EYS: variants seen among roughly 807,000 people sequenced by gnomAD.
EYS encodes the protein protein eyes shut homolog.
Under a neutral mutation model 282.1 loss-of-function variants are expected in EYS, and 250 were observed. The observed-to-expected ratio is 0.89, with a 90% CI of 0.80 to 0.98. The LOEUF (loss-of-function observed/expected upper bound fraction) is 0.98. EYS is among the 50% of genes least tolerant of loss of function. EYS has a pLI of 0.00. For missense variants in EYS, 4,016 were observed against 3,709.0 expected (o/e 1.08, Z -2.15); for synonymous variants, 1,355 against 1,282.9 (o/e 1.06, Z -1.20).
chr6:64,993,800 G>GT (rs1345409602), intron 14 of EYS, among the ~76,000 whole-genome samples: 1,710 of 140,888 alleles, frequency 0.012, 18 homozygotes, highest in African/African-American at 0.035. Context: ...AGTAAAGGTA[G>GT]TTTTTTTTTT....
chr6:63,764,896 T>A (rs543075524), intron 40 of EYS, among the ~76,000 whole-genome samples: 13 of 152,130 alleles, frequency 8.5e-5, no homozygotes, highest in African/African-American at 3.1e-4. Context: ...TTCTTTTTGT[T>A]CCTTGGTTTC....
intron 22 of EYS, among the ~76,000 whole-genome samples, chr6:64,789,559 T>G (rs1438723872): frequency 6.6e-6 from 1 of 152,164 alleles, no homozygotes; most frequent in Non-Finnish European, 1.5e-5. Flanking sequence ...AGTTTAGCTG[T>G]AACCCATACC....
intron 28 of EYS, among the ~76,000 whole-genome samples, chr6:64,395,374 A>G (rs1295614473): frequency 6.6e-6 from 1 of 152,180 alleles, no homozygotes; most frequent in Non-Finnish European, 1.5e-5. Context: ...AAAGACTTGG[A>G]ACCAACCCAA....
chr6:64,896,547 T>TGTTG (rs111402497), intron 18 of EYS, among the ~76,000 whole-genome samples: 1 of 144,864 alleles, frequency 6.9e-6, no homozygotes, highest in African/African-American at 2.5e-5. Context: ...GAGTTGTTGT[T>TGTTG]TTTTTTTTTT....
chr6:65,065,757 A>C (rs1298626785), intron 12 of EYS, among the ~76,000 whole-genome samples: 1 of 152,154 alleles, frequency 6.6e-6, no homozygotes, highest in Non-Finnish European at 1.5e-5. Flanking sequence ...ATTGCCACAC[A>C]TGCCTAGGAA....
chr6:64,802,013 A>ATTT (rs1415788607), intron 22 of EYS, among the ~76,000 whole-genome samples: 28 of 124,190 alleles, frequency 2.3e-4, no homozygotes, highest in Non-Finnish European at 3.6e-4. Context: ...GTTATAACAA[A>ATTT]TTTCTTTTTC....
chr6:65,090,889 A>G (rs115206395), intron 12 of EYS, among the ~76,000 whole-genome samples: 2,281 of 152,202 alleles, frequency 0.015, 29 homozygotes, highest in Non-Finnish European at 0.022. Context: ...ACCTGTCATA[A>G]GGTCTGAGAA....
At chr6:63,835,543 G>T (rs1042874412) in intron 36 of EYS, among the ~76,000 whole-genome samples, 1 of 152,044 alleles carries the variant, frequency 6.6e-6, no homozygotes, top group East Asian at 1.9e-4. Flanking sequence ...AAGATGCAAA[G>T]GGATAAGAAT....
chr6:63,999,114 TG>T lies in EYS; in HGVS notation c.6794del (p.Pro2265GlnfsTer46), dbSNP rs758109813. ...MIEMTADGKPPVQKKDTEISH... is the reference protein window; with the variant it reads ...MIEMTADGKPXVQKKDTEISH... ...AAATCTCTGTGTCTTTCTTCTGTACTGGAGGTTTTCCATCTGCAGTCATTTC... is the reference window on the plus strand; with the variant it reads ...AAATCTCTGTGTCTTTCTTCTGTACTGAGGTTTTCCATCTGCAGTCATTTC... On this transcript the variant is annotated frameshift_variant, in exon 34 of 43. Coordinates refer to ENST00000503581, the MANE Select transcript of EYS (RefSeq NM_001142800.2). LOFTEE classifies it high-confidence loss of function. The T allele has an allele frequency of 1.2e-4, 186 of 1,551,880 alleles. No individual in the cohort carries two copies. In the African/African-American group the frequency reaches 2.3e-3, roughly 19 times the overall value.
At chr6:64,470,597 TA>T (rs767127800) in intron 26 of EYS, among the ~76,000 whole-genome samples, 9 of 152,106 alleles carry the variant, frequency 5.9e-5, no homozygotes, top group Admixed American at 5.2e-4. Flanking sequence ...GCTAATGAGC[TA>T]AAAAAATGCA....
At chr6:64,539,838 G>C (rs1036714946) in intron 26 of EYS, among the ~76,000 whole-genome samples, 6 of 152,268 alleles carry the variant, frequency 3.9e-5, no homozygotes, top group Admixed American at 2.0e-4. Context: ...TAGGACAGGT[G>C]AGCAAAAAGT....
At chr6:63,834,422 C>T (rs906767058) in intron 36 of EYS, among the ~76,000 whole-genome samples, 1 of 152,132 alleles carries the variant, frequency 6.6e-6, no homozygotes, top group Admixed American at 6.5e-5. Flanking sequence ...CAAAAGAAGA[C>T]ATTCATACAG....
At chr6:65,248,393 T>A (rs1562048582) in intron 12 of EYS, among the ~76,000 whole-genome samples, 1 of 151,950 alleles carries the variant, frequency 6.6e-6, no homozygotes, top group African/African-American at 2.4e-5. Context: ...GAAGAGGAGA[T>A]GGGGGTGCAT....
intron 35 of EYS, among the ~76,000 whole-genome samples, chr6:63,904,662 C>T (rs1469588593): frequency 1.3e-5 from 2 of 152,202 alleles, no homozygotes; most frequent in African/African-American, 2.4e-5. Flanking sequence ...GGGGAAGGAA[C>T]TGAGAGGTGT....
chr6:65,590,482 A>G (rs1403965687), intron 2 of EYS, among the ~76,000 whole-genome samples: 1 of 152,054 alleles, frequency 6.6e-6, no homozygotes, highest in African/African-American at 2.4e-5. Flanking sequence ...TTGTGGTGAG[A>G]ACATTCCAAA....
At chr6:64,029,115 C>A (rs574184565) in intron 33 of EYS, among the ~76,000 whole-genome samples, 2 of 152,254 alleles carry the variant, frequency 1.3e-5, no homozygotes, top group Admixed American at 6.5e-5. Context: ...AGAATGGGAA[C>A]CAGAGGCAGA....
chr6:63,915,685 A>G (rs1764405101), intron 35 of EYS, among the ~76,000 whole-genome samples: 1 of 152,240 alleles, frequency 6.6e-6, no homozygotes, highest in South Asian at 2.1e-4. Flanking sequence ...AGGTGGTCAG[A>G]ATAGCAACAT....
intron 2 of EYS, among the ~76,000 whole-genome samples, chr6:65,521,518 T>C (rs1235791015): frequency 6.6e-6 from 1 of 152,154 alleles, no homozygotes; most frequent in Non-Finnish European, 1.5e-5. Flanking sequence ...AATCCAATAA[T>C]CAGGTTTTGT....
chr6:65,313,316 T>C (rs991055096), intron 11 of EYS, among the ~76,000 whole-genome samples: 4 of 151,654 alleles, frequency 2.6e-5, no homozygotes, highest in Admixed American at 2.0e-4. Context: ...TGGGAAATAA[T>C]AGGAGGGTTT....
Sources: gnomAD v4.1 joint callset for allele counts (sites outside exome capture counted in the v4.1 genomes callset) on GRCh38, gnomAD v4.1.1 for gene constraint, MANE v1.5 for transcripts, NCBI Gene and HGNC (gene_info 2026-07-23, HGNC 2026-07-21) for gene names.